NR3C1: variants seen among roughly 807,000 people sequenced by gnomAD.
NR3C1 encodes glucocorticoid receptor.
NR3C1 carries 14 observed loss-of-function variants against 74.0 expected under a neutral mutation model. The ratio of observed to expected loss-of-function variants is 0.19; its 90% confidence interval spans 0.12 to 0.30. The LOEUF is 0.30. Among genes scored for constraint, NR3C1 ranks in the 10% least tolerant of loss-of-function variants. The probability of loss-of-function intolerance (pLI) is 1.00; values close to 1 mark genes in which losing one functional copy is unlikely to be tolerated. For missense variants in NR3C1, 695 were observed against 909.8 expected, an observed-to-expected ratio of 0.76 and a Z score of 3.04; for synonymous variants, 308 against 332.5, an observed-to-expected ratio of 0.93 and a Z score of 0.80.
chr5:143,379,916 C>T (rs148191556), intron 2 of NR3C1, among the ~76,000 whole-genome samples: 2 of 152,240 alleles, frequency 1.3e-5, no homozygotes, highest in African/African-American at 4.8e-5. Context: ...ATTTTAAAGC[C>T]ACTAAATTTT....
At chr5:143,377,099 A>T (rs1357922131) in intron 2 of NR3C1, among the ~76,000 whole-genome samples, 1 of 152,168 alleles carries the variant, frequency 6.6e-6, no homozygotes, top group African/African-American at 2.4e-5. Flanking sequence ...CATTCCTTCA[A>T]GTTATGTCAT....
upstream of NR3C1, chr5:143,404,530 C>A: frequency 2.0e-6 from 2 of 977,624 alleles, no homozygotes; most frequent in Non-Finnish European, 2.4e-6. Context: ...CCCCCACCCT[C>A]TTCCCCGAGT....
intron 5 of NR3C1, among the ~76,000 whole-genome samples, chr5:143,299,075 T>A (rs1396310661): frequency 6.8e-6 from 1 of 146,730 alleles, no homozygotes; most frequent in African/African-American, 2.5e-5. Context: ...AGTGCAATGG[T>A]GCCATCTCGG....
chr5:143,431,763 C>A (rs1040497473), intron 1 of NR3C1, among the ~76,000 whole-genome samples: 2 of 152,126 alleles, frequency 1.3e-5, no homozygotes, highest in African/African-American at 4.8e-5. Flanking sequence ...TACACAGCCA[C>A]CCTAGGGGCA....
At chr5:143,349,907 C>A (rs566000054) in intron 2 of NR3C1, among the ~76,000 whole-genome samples, 119 of 152,130 alleles carry the variant, frequency 7.8e-4, no homozygotes, top group Admixed American at 1.6e-3. Flanking sequence ...CTAACCCAAA[C>A]GTGGGAGATC....
intron 7 of NR3C1, among the ~76,000 whole-genome samples, chr5:143,285,852 G>A (rs1176807043): frequency 1.3e-5 from 2 of 151,404 alleles, no homozygotes; most frequent in African/African-American, 2.4e-5. Context: ...CAAGAAAAAT[G>A]GAAAGGATAA....
intron 2 of NR3C1, among the ~76,000 whole-genome samples, chr5:143,387,222 G>A (rs1168916256): frequency 6.6e-6 from 1 of 152,064 alleles, no homozygotes; most frequent in Non-Finnish European, 1.5e-5. Context: ...GGTCTTTGTG[G>A]TCTCAGAAGT....
chr5:143,430,273 A>T (rs1751747707), intron 1 of NR3C1, among the ~76,000 whole-genome samples: 1 of 152,168 alleles, frequency 6.6e-6, no homozygotes, highest in Non-Finnish European at 1.5e-5. Context: ...ATATTAGATT[A>T]TGTTTTCAAA....
intron 2 of NR3C1, among the ~76,000 whole-genome samples, chr5:143,355,058 T>G (rs1830898180): frequency 6.6e-6 from 1 of 152,086 alleles, no homozygotes; most frequent in Admixed American, 6.6e-5. Context: ...CACAAGCTGT[T>G]GGAAAAATGG....
intron 1 of NR3C1, among the ~76,000 whole-genome samples, chr5:143,419,735 G>A (rs12515985): frequency 0.17 from 26,181 of 152,168 alleles, 2,748 homozygotes; most frequent in East Asian, 0.33. Flanking sequence ...ACCACAGGAC[G>A]GGGGCGAAAT....
chr5:143,288,934 G>T (rs866082402), intron 7 of NR3C1, among the ~76,000 whole-genome samples: 1 of 151,988 alleles, frequency 6.6e-6, no homozygotes, highest in Non-Finnish European at 1.5e-5. Context: ...GCGAAACCCC[G>T]TCTCTACTAA....
At chr5:143,360,651 T>C (rs1307859787) in intron 2 of NR3C1, among the ~76,000 whole-genome samples, 1 of 152,226 alleles carries the variant, frequency 6.6e-6, no homozygotes, top group Non-Finnish European at 1.5e-5. Flanking sequence ...TACAGGTCTT[T>C]AAACACCTAA....
upstream of NR3C1, chr5:143,404,067 AG>A: frequency 3.0e-6 from 3 of 984,936 alleles, no homozygotes; most frequent in Non-Finnish European, 3.6e-6. Flanking sequence ...GCCCCCGCCC[AG>A]CTCCGCGGCT....
At chr5:143,350,649 T>TA (rs561513724) in intron 2 of NR3C1, among the ~76,000 whole-genome samples, 17 of 152,294 alleles carry the variant, frequency 1.1e-4, no homozygotes, top group East Asian at 7.7e-4. Flanking sequence ...ATACAGTAGA[T>TA]ATGGCTGTCC....
At chr5:143,368,772 T>C (rs1026570308) in intron 2 of NR3C1, among the ~76,000 whole-genome samples, 1 of 152,154 alleles carries the variant, frequency 6.6e-6, no homozygotes, top group Admixed American at 6.5e-5. Flanking sequence ...TCTGTTGGTA[T>C]AACTGAATAC....
chr5:143,372,534 C>T (rs78885810), intron 2 of NR3C1, among the ~76,000 whole-genome samples: 5,106 of 152,286 alleles, frequency 0.034, 151 homozygotes, highest in Non-Finnish European at 0.048. Context: ...TTAATATTTT[C>T]AGAACACAGT....
chr5:143,378,593 C>G (rs2151879470), intron 2 of NR3C1, among the ~76,000 whole-genome samples: 1 of 152,278 alleles, frequency 6.6e-6, no homozygotes, highest in East Asian at 1.9e-4. Flanking sequence ...GGCATTAACT[C>G]TAGTCAACAT....
intron 7 of NR3C1, among the ~76,000 whole-genome samples, chr5:143,292,477 GTT>G (rs1561485158): frequency 6.6e-6 from 1 of 152,082 alleles, no homozygotes; most frequent in African/African-American, 2.4e-5. Context: ...TGTTGAATTA[GTT>G]TTCCTTACAG....
exon 1 of NR3C1, chr5:143,435,208 T>C (rs1254356730): frequency 3.0e-6 from 3 of 985,388 alleles, no homozygotes; most frequent in African/African-American, 3.5e-5. Context: ...TCTTACCCTC[T>C]TTCTGTTTCT....
Sources: gnomAD v4.1 joint callset for allele counts (sites outside exome capture counted in the v4.1 genomes callset) on GRCh38, gnomAD v4.1.1 for gene constraint, MANE v1.5 for transcripts, NCBI Gene and HGNC (gene_info 2026-07-23, HGNC 2026-07-21) for gene names.